The following N4BP1 variants were observed in gnomAD, a reference collection of about 807,000 sequenced individuals.
N4BP1 encodes the protein NEDD4-binding protein 1.
A neutral mutation model predicts 70.9 loss-of-function variants in N4BP1; 21 were observed. The observed-to-expected ratio is 0.30, with a 90% CI of 0.21 to 0.43. The LOEUF (loss-of-function observed/expected upper bound fraction) is 0.43, where lower values mean the gene tolerates loss of function less well. Ranked by LOEUF, N4BP1 falls within the 20% of genes least tolerant of loss-of-function variation. The probability of loss-of-function intolerance (pLI) is 1.00; values close to 1 mark genes in which losing one functional copy is unlikely to be tolerated. For synonymous variants in N4BP1, 387 were observed against 394.6 expected (o/e 0.98, Z 0.23); for missense variants, 936 against 1,069.4 (o/e 0.88, Z 1.74).
At chr16:48,594,572 T>A (rs916146987) in intron 1 of N4BP1, among the ~76,000 whole-genome samples, 1 of 152,120 alleles carries the variant, frequency 6.6e-6, no homozygotes, top group African/African-American at 2.4e-5. Context: ...GCCAGCCTGG[T>A]CTTGAACTCC....
chr16:48,586,636 C>T (rs1964249774), intron 1 of N4BP1, among the ~76,000 whole-genome samples: 1 of 152,166 alleles, frequency 6.6e-6, no homozygotes, highest in African/African-American at 2.4e-5. Context: ...TTTTCCATTG[C>T]TAAGTAGTAT....
In N4BP1 at chr16:48,562,052, A is replaced by G. The variant is rs1352587737; in HGVS notation, c.591T>C (p.Phe197=). The change falls in exon 2 of 7, where the codon TTT becomes TTC. Residue 197 remains phenylalanine (F), a synonymous_variant. Coordinates refer to ENST00000262384, the MANE Select transcript of N4BP1 (RefSeq NM_153029.4). ...LTLTQGEENL[F]ETGDDEVIEM... ...CAATAACCTCATCATCTCCTGTTTC[A>G]AAGAGATTCTCCTCACCTTGTGTGA... is the stretch of plus-strand genomic sequence containing the variant. The G allele has an allele frequency of 1.9e-6, 3 of 1,613,764 alleles. No individual in the cohort carries two copies. The highest frequency in any genetic ancestry group is 2.5e-6 in the Non-Finnish European group (3 of 1,179,888).
intron 1 of N4BP1, among the ~76,000 whole-genome samples, chr16:48,565,880 G>C (rs777701232): frequency 1.3e-5 from 2 of 152,128 alleles, no homozygotes; most frequent in Non-Finnish European, 2.9e-5. Context: ...TGAGGAATTG[G>C]TCCATTTCAA....
At chr16:48,607,368 T>C (rs1195043691) in intron 1 of N4BP1, among the ~76,000 whole-genome samples, 1 of 152,102 alleles carries the variant, frequency 6.6e-6, no homozygotes, top group Non-Finnish European at 1.5e-5. Flanking sequence ...ACTACTACAG[T>C]GGAGATTTAA....
chr16:48,589,479 G>C (rs1334788709), intron 1 of N4BP1, among the ~76,000 whole-genome samples: 1 of 152,146 alleles, frequency 6.6e-6, no homozygotes, highest in East Asian at 1.9e-4. Context: ...ATCCTGAAGG[G>C]TGTTGTTCCT....
intron 1 of N4BP1, among the ~76,000 whole-genome samples, chr16:48,568,915 CATGTTT>C (rs1281629123): frequency 6.6e-6 from 1 of 152,210 alleles, no homozygotes; most frequent in Non-Finnish European, 1.5e-5. Context: ...CTTGAATCAT[CATGTTT>C]ATATCTTTTG....
rs771044794 is a variant in N4BP1, at chr16:48,562,134, T to C, written c.509A>G (p.Asn170Ser). Residue 170 changes from asparagine to serine, a missense_variant, in exon 2 of 7, where the codon AAT becomes AGT. Physicochemically the swap from Asn to Ser is conservative, Grantham distance 46. Around this residue, in one of 4 missense-constraint regions of N4BP1, gnomAD observed 187 missense variants for 217.1 expected, o/e 0.86. Coordinates refer to ENST00000262384, the MANE Select transcript of N4BP1 (RefSeq NM_153029.4). ...CAAAATCAACAAATCCATTGTGTAA[T>C]TGTCTGCATGGGCTTCAACAAATTG... The part of the protein sequence containing the change: ...FKQFVEAHAD[N>S]YTMDLLILPT... 11 of 1,613,920 alleles carry C rather than the reference T, an allele frequency of 6.8e-6. No homozygotes were observed. Among genetic ancestry groups the C allele is most frequent in the Admixed American group, 5.0e-5 (3 of 59,992 alleles).
rs944543571 is a variant in N4BP1, at chr16:48,562,118, C to T, written c.525G>A (p.Leu175=). ...EAHADNYTMD[L]LILPTSLKKE... is the part of the protein sequence containing the mutation. ...TTTTCAAGGAAGTGGGCAAAATCAA[C>T]AAATCCATTGTGTAATTGTCTGCAT... The change falls in exon 2 of 7, where the codon TTG becomes TTA. Residue 175 remains leucine, a synonymous_variant. Transcript: ENST00000262384. The T allele has an allele frequency of 6.2e-7, 1 of 1,613,790 alleles. No homozygotes were observed. The highest frequency in any genetic ancestry group is 1.3e-5 in the African/African-American group (1 of 74,918).
chr16:48,581,479 G>A (rs1289559421), intron 1 of N4BP1, among the ~76,000 whole-genome samples: 1 of 152,026 alleles, frequency 6.6e-6, no homozygotes, highest in Non-Finnish European at 1.5e-5. Flanking sequence ...CAGATGACAT[G>A]ATTTTACTAT....
At chr16:48,562,558 T>C (rs532412038) in intron 1 of N4BP1, 114 bp from the exon 2 acceptor site, 14 of 854,308 alleles carry the variant, frequency 1.6e-5, no homozygotes, top group Non-Finnish European at 1.2e-5. Context: ...ACAAGCATGT[T>C]TGTAATTTTG....
chr16:48,605,621 A>C (rs1194009138), intron 1 of N4BP1, among the ~76,000 whole-genome samples: 1 of 152,114 alleles, frequency 6.6e-6, no homozygotes, highest in Non-Finnish European at 1.5e-5. Flanking sequence ...TTGCCTCTCT[A>C]GCCCCTGTAT....
chr16:48,590,219 C>G (rs1359363970), intron 1 of N4BP1, among the ~76,000 whole-genome samples: 2 of 152,152 alleles, frequency 1.3e-5, no homozygotes, highest in Non-Finnish European at 2.9e-5. Context: ...CACCCAGGAA[C>G]AGAAGACAGC....
intron 6 of N4BP1, 67 bp from the exon 7 acceptor site, chr16:48,543,328 G>T: frequency 7.7e-7 from 1 of 1,307,064 alleles, no homozygotes; most frequent in Non-Finnish European, 1.0e-6. Context: ...AGCTATTTTA[G>T]AAGGTACCTG....
In N4BP1 at chr16:48,573,035, C is replaced by T. The variant is rs1964042011; in HGVS notation, c.199-10591G>A. On this transcript the variant is annotated intron_variant, in intron 1 of 6. Coordinates refer to ENST00000262384, the MANE Select transcript of N4BP1 (RefSeq NM_153029.4). ...GCTGAGGTGGGAGGACTTGCCTGAGCCTGGGTACAGGCTGCAGTGACCCGA... is the reference window on the plus strand; with the variant it reads ...GCTGAGGTGGGAGGACTTGCCTGAGTCTGGGTACAGGCTGCAGTGACCCGA... Among the ~76,000 whole-genome samples, 3 of 151,162 alleles carry T rather than the reference C, an allele frequency of 2.0e-5. No homozygotes were observed. The South Asian group carries it at 6.3e-4, about 32-fold the overall frequency.
chr16:48,564,000 C>T (rs961215772), intron 1 of N4BP1, among the ~76,000 whole-genome samples: 2 of 152,116 alleles, frequency 1.3e-5, no homozygotes, highest in African/African-American at 4.8e-5. Flanking sequence ...ATTTATTCTC[C>T]CCAGGGAGCT....
At position 48,583,636 on chromosome 16, in the gene N4BP1, T is replaced by A. The variant is rs78886629; in HGVS notation, c.199-21192A>T. Among the ~76,000 whole-genome samples, 1,291 of 152,310 alleles carry A rather than the reference T, an allele frequency of 8.5e-3. 15 individuals are homozygous for A. The highest frequency in any genetic ancestry group is 0.03 in the African/African-American group (1,232 of 41,560). ...CCACATTGTTATGTACTTCAAAACA[T>A]CATGGATACATAATAAATACAATTT... On this transcript the variant is annotated intron_variant, in intron 1 of 6. Coordinates refer to ENST00000262384, the MANE Select transcript of N4BP1 (RefSeq NM_153029.4).
chr16:48,552,251 G>A (rs567571009), intron 3 of N4BP1, among the ~76,000 whole-genome samples: 4 of 152,170 alleles, frequency 2.6e-5, no homozygotes, highest in African/African-American at 9.6e-5. Flanking sequence ...ATGGGGGTGG[G>A]TGATGACAGT....
intron 4 of N4BP1, among the ~76,000 whole-genome samples, chr16:48,549,897 T>G (rs1963641603): frequency 6.6e-6 from 1 of 152,158 alleles, no homozygotes; most frequent in Non-Finnish European, 1.5e-5. Context: ...ACACCAGGGT[T>G]GTTGTTAGTG....
rs1246142832 is a variant in N4BP1, at chr16:48,609,989, C to A, written c.-17G>T. ...GGCCGCCATGGCGGGCGCGGCCTCC[C>A]GCGGCGGCGCCGGGGGCCGGCGGCG... is the stretch of plus-strand genomic sequence containing the variant. On this transcript the variant is annotated 5_prime_UTR_variant, in exon 1 of 7. Coordinates refer to ENST00000262384, the MANE Select transcript of N4BP1 (RefSeq NM_153029.4). 19 of 1,181,964 alleles carry A rather than the reference C, an allele frequency of 1.6e-5. No homozygotes were observed. The African/African-American group carries it at 3.1e-4, about 19-fold the overall frequency. 73.2% of individuals were successfully genotyped at this position (1,181,964 alleles called of 1,614,324 possible).
Sources: gnomAD v4.1 joint callset for allele counts (sites outside exome capture counted in the v4.1 genomes callset) on GRCh38, gnomAD v4.1.1 for gene constraint, gnomAD v4.1.1 regional missense constraint, MANE v1.5 for transcripts, NCBI Gene and HGNC (gene_info 2026-07-23, HGNC 2026-07-21) for gene names.